The following HCN1 variants were observed in gnomAD, a reference collection of about 807,000 sequenced individuals.
HCN1 encodes hyperpolarization activated cyclic nucleotide gated potassium channel 1, also known as potassium/sodium hyperpolarization-activated cyclic nucleotide-gated channel 1.
In HCN1, 13 loss-of-function variants were observed where a neutral mutation model predicts 78.9. That is an observed-to-expected ratio of 0.16 (90% CI 0.11 to 0.26). HCN1 has a LOEUF of 0.26. Among genes scored for constraint, HCN1 ranks in the 10% least tolerant of loss-of-function variants. HCN1 has a pLI of 1.00. For missense variants in HCN1, 810 were observed against 1,154.3 expected (o/e 0.70, Z 4.32); for synonymous variants, 552 against 455.5 (o/e 1.21, Z -2.70).
chr5:45,620,744 AT>A (rs1745044459), intron 2 of HCN1, among the ~76,000 whole-genome samples: 1 of 152,102 alleles, frequency 6.6e-6, no homozygotes, highest in Admixed American at 6.5e-5. Context: ...TCATTAGTTC[AT>A]TCAAACTTCA....
intron 3 of HCN1, among the ~76,000 whole-genome samples, chr5:45,449,427 A>G (rs1192259845): frequency 1.3e-5 from 2 of 152,062 alleles, no homozygotes; most frequent in African/African-American, 2.4e-5. Flanking sequence ...GTAGATTCTC[A>G]TCATTTCTTC....
intron 6 of HCN1, among the ~76,000 whole-genome samples, chr5:45,289,997 G>A (rs1204631169): frequency 4.6e-5 from 7 of 151,962 alleles, no homozygotes; most frequent in Non-Finnish European, 1.0e-4. Context: ...ATCTTGAATT[G>A]TAGCTCCCAT....
At chr5:45,573,453 G>C (rs900976515) in intron 2 of HCN1, among the ~76,000 whole-genome samples, 4 of 147,896 alleles carry the variant, frequency 2.7e-5, no homozygotes, top group Admixed American at 6.8e-5. Flanking sequence ...TCCTGAGGAG[G>C]GTTTTCCAAT....
chr5:45,506,847 T>C (rs1742312033), intron 2 of HCN1, among the ~76,000 whole-genome samples: 3 of 152,176 alleles, frequency 2.0e-5, no homozygotes, highest in Non-Finnish European at 4.4e-5. Flanking sequence ...AGGAAATTCA[T>C]GTTAATTCTA....
intron 5 of HCN1, among the ~76,000 whole-genome samples, chr5:45,338,984 T>A (rs531966973): frequency 6.6e-6 from 1 of 152,268 alleles, no homozygotes; most frequent in East Asian, 1.9e-4. Flanking sequence ...GATTCTGATA[T>A]TAGAAAAGCA....
intron 2 of HCN1, among the ~76,000 whole-genome samples, chr5:45,500,272 G>T (rs572779785): frequency 1.4e-4 from 22 of 152,236 alleles, no homozygotes; most frequent in Admixed American, 1.4e-3. Context: ...TAAACAGAAG[G>T]TTATGCCATT....
intron 1 of HCN1, among the ~76,000 whole-genome samples, chr5:45,684,297 G>T (rs1242075217): frequency 6.6e-6 from 1 of 152,050 alleles, no homozygotes; most frequent in Non-Finnish European, 1.5e-5. Flanking sequence ...ATAGCCAATA[G>T]AATTATGGGA....
intron 2 of HCN1, among the ~76,000 whole-genome samples, chr5:45,611,055 TTC>T (rs1488895761): frequency 9.0e-6 from 1 of 110,732 alleles, no homozygotes; most frequent in African/African-American, 4.2e-5. Flanking sequence ...TTAAATTCTT[TTC>T]TTTTTTTTTT....
chr5:45,573,611 C>T (rs1176032474), intron 2 of HCN1, among the ~76,000 whole-genome samples: 2 of 151,908 alleles, frequency 1.3e-5, no homozygotes, highest in Non-Finnish European at 2.9e-5. Flanking sequence ...GTGCTATTAC[C>T]ATGAATAATG....
intron 6 of HCN1, among the ~76,000 whole-genome samples, chr5:45,272,137 A>G (rs1413657400): frequency 3.9e-5 from 6 of 152,142 alleles, no homozygotes; most frequent in Admixed American, 3.9e-4. Context: ...TTGAATGTCC[A>G]GATTAATTTT....
At chr5:45,268,542 C>G (rs886944765) in intron 6 of HCN1, among the ~76,000 whole-genome samples, 1 of 152,136 alleles carries the variant, frequency 6.6e-6, no homozygotes, top group Non-Finnish European at 1.5e-5. Flanking sequence ...GAATAAATCA[C>G]GCTGTAGACA....
chr5:45,456,189 T>C (rs1741025835), intron 3 of HCN1, among the ~76,000 whole-genome samples: 1 of 151,992 alleles, frequency 6.6e-6, no homozygotes, highest in Admixed American at 6.6e-5. Flanking sequence ...TTAGAGTATG[T>C]CCACGAGTTC....
Position 45,256,759 on chromosome 5 carries a change from G to T in HCN1, c.*5162C>A, listed in dbSNP as rs1054639646. ...ATTAAAAAAATTTTTTTTCCTTGTAGAGACCAGGTCTTGACATGCTGCCCT... is the reference window on the plus strand; with the variant it reads ...ATTAAAAAAATTTTTTTTCCTTGTATAGACCAGGTCTTGACATGCTGCCCT... On this transcript the variant is annotated 3_prime_UTR_variant, in exon 8 of 8. Transcript: ENST00000303230. 2.0e-5 allele frequency: 3 copies of T among 152,170 alleles called. No homozygotes were observed. The highest frequency in any genetic ancestry group is 7.2e-5 in the African/African-American group (3 of 41,416). The allele number at this position is 152,170 out of a possible 1,614,324, so 9.4% of individuals were successfully genotyped here.
chr5:45,618,833 T>TA (rs933555684), intron 2 of HCN1, among the ~76,000 whole-genome samples: 8 of 149,618 alleles, frequency 5.3e-5, no homozygotes, highest in South Asian at 2.1e-4. Flanking sequence ...AAAAATAAAA[T>TA]AAAAAAAAAG....
chr5:45,350,532 A>G (rs1282242022), intron 5 of HCN1, among the ~76,000 whole-genome samples: 1 of 151,746 alleles, frequency 6.6e-6, no homozygotes, highest in African/African-American at 2.4e-5. Context: ...CAGGGCAATC[A>G]GGCAGGAGAA....
chr5:45,283,187 A>G (rs895327842), intron 6 of HCN1, among the ~76,000 whole-genome samples: 3 of 152,214 alleles, frequency 2.0e-5, no homozygotes, highest in Non-Finnish European at 4.4e-5. Context: ...TCTTTATTAT[A>G]CTTGGGAAAC....
chr5:45,399,688 C>G (rs1247854886), intron 3 of HCN1, among the ~76,000 whole-genome samples: 1 of 151,964 alleles, frequency 6.6e-6, no homozygotes, highest in Non-Finnish European at 1.5e-5. Context: ...GTCTTATAAA[C>G]CTTGGAACTG....
chr5:45,632,053 C>T (rs1745277332), intron 2 of HCN1, among the ~76,000 whole-genome samples: 1 of 152,000 alleles, frequency 6.6e-6, no homozygotes, highest in Non-Finnish European at 1.5e-5. Flanking sequence ...TCCTTAATTG[C>T]TTTTATTTTT....
chr5:45,306,053 G>T (rs958294433), intron 5 of HCN1, among the ~76,000 whole-genome samples: 2 of 152,034 alleles, frequency 1.3e-5, no homozygotes, highest in African/African-American at 4.8e-5. Context: ...AAAAACAACA[G>T]GAAGATAAAA....
Sources: gnomAD v4.1 joint callset for allele counts (sites outside exome capture counted in the v4.1 genomes callset) on GRCh38, gnomAD v4.1.1 for gene constraint, MANE v1.5 for transcripts, NCBI Gene and HGNC (gene_info 2026-07-23, HGNC 2026-07-21) for gene names.